Variants in MLLT3 observed in about 807,000 individuals in gnomAD.
MLLT3 encodes the protein protein AF-9.
Under a neutral mutation model 53.2 loss-of-function variants are expected in MLLT3, and 4 were observed. The observed-to-expected ratio is 0.08, with a 90% CI of 0.04 to 0.17. The LOEUF is 0.17. MLLT3 is among the 10% of genes least tolerant of loss of function. The pLI, the probability that MLLT3 is intolerant of heterozygous loss-of-function variation, is 1.00. For synonymous variants in MLLT3, 283 were observed against 230.6 expected, an observed-to-expected ratio of 1.23 and a Z score of -2.06; for missense variants, 569 against 684.0, an observed-to-expected ratio of 0.83 and a Z score of 1.87.
intron 2 of MLLT3, among the ~76,000 whole-genome samples, chr9:20,518,988 A>G (rs1426046952): frequency 2.0e-5 from 3 of 152,238 alleles, no homozygotes; most frequent in Non-Finnish European, 4.4e-5. Flanking sequence ...TCATTAATTA[A>G]CAATGAGTTA....
intron 2 of MLLT3, among the ~76,000 whole-genome samples, chr9:20,531,550 G>C (rs1818337061): frequency 6.6e-6 from 1 of 152,122 alleles, no homozygotes; most frequent in African/African-American, 2.4e-5. Flanking sequence ...AACCACTCTA[G>C]TTCTGCAGCA....
At chr9:20,474,081 T>G (rs1362860945) in intron 2 of MLLT3, among the ~76,000 whole-genome samples, 2 of 152,122 alleles carry the variant, frequency 1.3e-5, no homozygotes, top group Non-Finnish European at 2.9e-5. Flanking sequence ...TGCTTTTGAT[T>G]TCCAAGTGTC....
intron 2 of MLLT3, among the ~76,000 whole-genome samples, chr9:20,510,681 G>C (rs748264897): frequency 2.6e-5 from 4 of 151,026 alleles, no homozygotes; most frequent in Non-Finnish European, 5.9e-5. Flanking sequence ...AGAGTTGGTA[G>C]TACTATAAGG....
At chr9:20,499,022 T>C (rs1019042033) in intron 2 of MLLT3, among the ~76,000 whole-genome samples, 1 of 152,214 alleles carries the variant, frequency 6.6e-6, no homozygotes, top group Non-Finnish European at 1.5e-5. Context: ...CTGAAAGCTC[T>C]AGAAAAGAAT....
chr9:20,349,712 G>A lies in MLLT3; in HGVS notation c.1576-3138C>T, dbSNP rs964938932. 5.3e-5 allele frequency among the ~76,000 whole-genome samples: 8 copies of A among 152,074 alleles called. No individual in the cohort carries two copies. In the South Asian group the frequency reaches 8.3e-4, roughly 16 times the overall value. ...TTTTGCCCACTAGAAACGTCAGCCC[G>A]GGCATTTCTCATGCATTGTGCTATC... On this transcript the variant is annotated intron_variant, in intron 10 of 10. Transcript: ENST00000380338.
chr9:20,527,606 G>T (rs1236118497), intron 2 of MLLT3, among the ~76,000 whole-genome samples: 2 of 152,160 alleles, frequency 1.3e-5, no homozygotes, highest in African/African-American at 4.8e-5. Context: ...TTTTTCCACT[G>T]AACAGTCTGT....
rs1310506266 is a variant in MLLT3 at position 20,346,226 on chromosome 9, G to C, written c.*217C>G. 2.2e-6 allele frequency: 1 copy of C among 449,662 alleles called. No individual in the cohort carries two copies. The highest frequency in any genetic ancestry group is 3.9e-6 in the Non-Finnish European group (1 of 257,238). 27.9% of individuals were successfully genotyped at this position (449,662 alleles called of 1,614,324 possible). On this transcript the variant is annotated 3_prime_UTR_variant, in exon 11 of 11. Transcript: ENST00000380338. ...TCCTTGGAGAGAAGAGTGGTCCGCT[G>C]AGGCTGGTTTGCTTTAACCTCTCCT... is the stretch of plus-strand genomic sequence containing the variant.
rs940859795 is a variant in MLLT3 at position 20,583,466 on chromosome 9, G to A, written c.193+37188C>T. On this transcript the variant is annotated intron_variant, in intron 2 of 10. Transcript: ENST00000380338. ...AGTAGGGACTCTGTGTGGGGGCTCC[G>A]ACCCCACATTTCTCTTCCACACTGC... 3.9e-5 allele frequency among the ~76,000 whole-genome samples: 6 copies of A among 152,196 alleles called. No individual in the cohort carries two copies. In the East Asian group the frequency reaches 5.8e-4, roughly 15 times the overall value.
In MLLT3 at chr9:20,543,715, C is replaced by T. The variant is rs139886650; in HGVS notation, c.193+76939G>A. ...AAGAGGAAGAGGAAGAGGAGGAGGA[C>T]GGAGGAGGAAGGAGGAAGGAGGAGG... On this transcript the variant is annotated intron_variant, in intron 2 of 10. Transcript: ENST00000380338. Among the ~76,000 whole-genome samples, 676 of 141,994 alleles carry T rather than the reference C, an allele frequency of 4.8e-3. 2 individuals carry two copies. The highest frequency in any genetic ancestry group is 0.013 in the African/African-American group (500 of 37,920). The allele number at this position is 141,994 out of a possible 152,430, so 93.2% of individuals were successfully genotyped here. A position where few individuals can be genotyped will look rare whatever the true frequency, so the allele number is the denominator to read the frequency against.
chr9:20,518,283 T>A (rs1432126662), intron 2 of MLLT3, among the ~76,000 whole-genome samples: 1 of 151,516 alleles, frequency 6.6e-6, no homozygotes, highest in Non-Finnish European at 1.5e-5. Flanking sequence ...GAGGCAGAGG[T>A]TGCAGTGAGC....
chr9:20,530,706 G>A (rs550833873), intron 2 of MLLT3, among the ~76,000 whole-genome samples: 1 of 152,266 alleles, frequency 6.6e-6, no homozygotes, highest in Admixed American at 6.5e-5. Flanking sequence ...TTGCTCTGTA[G>A]CCCATCCTCT....
intron 8 of MLLT3, among the ~76,000 whole-genome samples, chr9:20,359,887 T>C (rs1475783478): frequency 6.6e-6 from 1 of 152,208 alleles, no homozygotes; most frequent in East Asian, 1.9e-4. Context: ...GTAATGAGAG[T>C]ATCAATTCAA....
At chr9:20,353,247 G>C (rs553761770) in intron 10 of MLLT3, among the ~76,000 whole-genome samples, 1 of 152,242 alleles carries the variant, frequency 6.6e-6, no homozygotes, top group South Asian at 2.1e-4. Flanking sequence ...CATTACACCA[G>C]CCATCTGAGG....
intron 2 of MLLT3, among the ~76,000 whole-genome samples, chr9:20,469,057 A>C (rs751029347): frequency 2.0e-5 from 3 of 152,218 alleles, no homozygotes; most frequent in Admixed American, 6.5e-5. Flanking sequence ...ACTAAATATA[A>C]AGGAATACTA....
intron 2 of MLLT3, among the ~76,000 whole-genome samples, chr9:20,457,486 T>C (rs950464259): frequency 4.6e-5 from 7 of 151,848 alleles, no homozygotes; most frequent in African/African-American, 1.5e-4. Flanking sequence ...CGACCTCAGG[T>C]GATCTGTCCG....
chr9:20,584,894 C>T (rs12004964), intron 2 of MLLT3, among the ~76,000 whole-genome samples: 4,575 of 152,292 alleles, frequency 0.03, 174 homozygotes, highest in East Asian at 0.14. Context: ...GATGCACCAG[C>T]TCCTCCATTT....
At chr9:20,617,026 T>A (rs1820848310) in intron 2 of MLLT3, among the ~76,000 whole-genome samples, 1 of 152,176 alleles carries the variant, frequency 6.6e-6, no homozygotes, top group African/African-American at 2.4e-5. Flanking sequence ...TTTAAGTGCC[T>A]TGGAAAATTA....
At chr9:20,363,633 A>C (rs775330379) in intron 6 of MLLT3, 28 bp from the exon 7 acceptor site, 1 of 1,610,052 alleles carries the variant, frequency 6.2e-7, no homozygotes, top group South Asian at 1.1e-5. Flanking sequence ...ACCACAGGCA[A>C]TCAAACATAT....
At chr9:20,445,260 T>G (rs1483390592) in intron 4 of MLLT3, among the ~76,000 whole-genome samples, 1 of 152,196 alleles carries the variant, frequency 6.6e-6, no homozygotes, top group East Asian at 1.9e-4. Context: ...AAATGTGCCC[T>G]GCCCACAATA....
Sources: allele counts gnomAD v4.1 joint callset (sites outside exome capture counted in the v4.1 genomes callset), GRCh38; gene constraint gnomAD v4.1.1; transcripts MANE v1.5; gene names NCBI Gene and HGNC (gene_info 2026-07-23, HGNC 2026-07-21).